RABGAP1L: variants seen among roughly 807,000 people sequenced by gnomAD.
RABGAP1L encodes the protein RAB GTPase activating protein 1 like.
A neutral mutation model predicts 137.7 loss-of-function variants in RABGAP1L; 63 were observed. The ratio of observed to expected loss-of-function variants is 0.46; its 90% CI spans 0.37 to 0.56. The LOEUF (loss-of-function observed/expected upper bound fraction) is 0.56. Ranked by LOEUF, RABGAP1L falls within the 20% of genes least tolerant of loss-of-function variation. The probability of loss-of-function intolerance (pLI) is 0.00; values close to 1 mark genes in which losing one functional copy is unlikely to be tolerated. For missense variants in RABGAP1L, 1,095 were observed against 1,244.0 expected (o/e 0.88, Z 1.80); for synonymous variants, 431 against 433.7 (o/e 0.99, Z 0.08).
chr1:174,718,837 CT>C (rs11337437), intron 17 of RABGAP1L, among the ~76,000 whole-genome samples: 82,600 of 106,390 alleles, frequency 0.78, 35,083 homozygotes, highest in South Asian at 0.95. Flanking sequence ...TTTTCTTTTC[CT>C]TTTTTTTTTT....
Position 174,442,768 on chromosome 1 carries a change from A to G in RABGAP1L, c.1710+48623A>G, listed in dbSNP as rs532380366. 5.0e-4 allele frequency among the ~76,000 whole-genome samples: 76 copies of G among 152,272 alleles called. 1 individual carries two copies. Among genetic ancestry groups the G allele is most frequent in the Non-Finnish European group, 8.2e-4 (56 of 67,968 alleles). ...TTCTCTTCCAGTTATTTTGTAATAT[A>G]CAATAAATTGTTAACTATAATCTCC... On this transcript the variant is annotated intron_variant, in intron 13 of 25. Coordinates refer to ENST00000681986, the MANE Select transcript of RABGAP1L (RefSeq NM_001366446.1).
chr1:174,351,361 T>C (rs559534549), intron 11 of RABGAP1L, among the ~76,000 whole-genome samples: 1 of 152,324 alleles, frequency 6.6e-6, no homozygotes, highest in Non-Finnish European at 1.5e-5. Context: ...ACAGGTCTGG[T>C]GTTGATAAAA....
chr1:174,912,251 C>T (rs1660169378), intron 19 of RABGAP1L, among the ~76,000 whole-genome samples: 1 of 152,166 alleles, frequency 6.6e-6, no homozygotes, highest in Non-Finnish European at 1.5e-5. Context: ...AAGCAATCCT[C>T]CTGCCTCAGC....
intron 20 of RABGAP1L, chr1:174,957,950 C>T (rs1029033446): frequency 1.9e-6 from 3 of 1,573,484 alleles, no homozygotes; most frequent in Middle Eastern, 3.4e-4. Flanking sequence ...TCATAAGAAG[C>T]TGAGAGAAAG....
intron 1 of RABGAP1L, among the ~76,000 whole-genome samples, chr1:174,170,164 G>A (rs1665235026): frequency 6.6e-6 from 1 of 152,188 alleles, no homozygotes; most frequent in African/African-American, 2.4e-5. Context: ...TAGTGCTGCT[G>A]TGAAATTCAG....
At chr1:174,558,605 T>C (rs921006204) in intron 13 of RABGAP1L, among the ~76,000 whole-genome samples, 2 of 152,182 alleles carry the variant, frequency 1.3e-5, no homozygotes, top group African/African-American at 4.8e-5. Flanking sequence ...AGCTTTCAAG[T>C]TACATTTGGA....
chr1:174,213,025 A>G (rs1384315412), intron 1 of RABGAP1L, among the ~76,000 whole-genome samples: 2 of 152,232 alleles, frequency 1.3e-5, no homozygotes, highest in African/African-American at 2.4e-5. Context: ...AATAACAAGT[A>G]ATGAGATTGA....
chr1:174,906,902 A>G (rs879797553), intron 19 of RABGAP1L, among the ~76,000 whole-genome samples: 1 of 66,978 alleles, frequency 1.5e-5, no homozygotes, highest in Non-Finnish European at 2.5e-5. Context: ...TGCTCAAAGA[A>G]AAAAAAAAAC....
At chr1:174,945,778 T>C (rs897166662) in intron 19 of RABGAP1L, 2 of 152,310 alleles carry the variant, frequency 1.3e-5, no homozygotes, top group Non-Finnish European at 2.9e-5. Flanking sequence ...AGTGAAGATG[T>C]AGGCCTCAAA....
chr1:174,993,410 C>T lies in RABGAP1L; in HGVS notation c.*3409C>T, dbSNP rs1472025321. 1 of 143,046 alleles carries T rather than the reference C, an allele frequency of 7.0e-6. No homozygotes were observed. The highest frequency in any genetic ancestry group is 1.5e-5 in the Non-Finnish European group (1 of 68,014). The allele number at this position is 143,046 out of a possible 1,614,324, so 8.9% of individuals were successfully genotyped here. Reference sequence around the variant, plus strand: ...GTATGTATCTTGTTTCATTTTTTTCCTATGATGTATTAATATTTATTTTTC... The same window carrying T: ...GTATGTATCTTGTTTCATTTTTTTCTTATGATGTATTAATATTTATTTTTC... On this transcript the variant is annotated 3_prime_UTR_variant, in exon 26 of 26. Transcript: ENST00000681986.
chr1:174,541,496 C>G (rs1665423848), intron 13 of RABGAP1L, among the ~76,000 whole-genome samples: 1 of 151,906 alleles, frequency 6.6e-6, no homozygotes, highest in African/African-American at 2.4e-5. Flanking sequence ...AGTTTTTAGG[C>G]CGGGTGCGGT....
At chr1:174,777,137 G>A (rs1289633688) in intron 18 of RABGAP1L, among the ~76,000 whole-genome samples, 1 of 152,048 alleles carries the variant, frequency 6.6e-6, no homozygotes, top group Non-Finnish European at 1.5e-5. Context: ...TTTTATTTTG[G>A]CAGTAAATCA....
chr1:174,975,354 G>T (rs1181372081), intron 21 of RABGAP1L, among the ~76,000 whole-genome samples: 1 of 152,188 alleles, frequency 6.6e-6, no homozygotes, highest in Non-Finnish European at 1.5e-5. Context: ...ATTGCCATGT[G>T]AACTTGAAGC....
chr1:174,862,097 A>T (rs1650346731), intron 19 of RABGAP1L, among the ~76,000 whole-genome samples: 1 of 152,140 alleles, frequency 6.6e-6, no homozygotes, highest in Admixed American at 6.6e-5. Context: ...AAGTCTTTAA[A>T]TATTTCACGT....
intron 13 of RABGAP1L, among the ~76,000 whole-genome samples, chr1:174,417,093 C>A (rs1650684289): frequency 6.6e-6 from 1 of 152,014 alleles, no homozygotes. Context: ...ATGGCAAAAA[C>A]CGCAATTACT....
chr1:174,502,514 A>G (rs1280353835), intron 13 of RABGAP1L, among the ~76,000 whole-genome samples: 24 of 150,142 alleles, frequency 1.6e-4, no homozygotes, highest in Admixed American at 1.6e-3. Context: ...CACAAAACAG[A>G]AAAAAAGGAA....
At chr1:174,864,367 G>A (rs1650840822) in intron 19 of RABGAP1L, among the ~76,000 whole-genome samples, 1 of 152,090 alleles carries the variant, frequency 6.6e-6, no homozygotes. Flanking sequence ...TCATTCTCAC[G>A]CTGCTAATAA....
chr1:174,782,524 T>C (rs1476351098), intron 18 of RABGAP1L, among the ~76,000 whole-genome samples: 1 of 152,246 alleles, frequency 6.6e-6, no homozygotes, highest in African/African-American at 2.4e-5. Flanking sequence ...AGGGACCTGC[T>C]TTACTTAAAT....
chr1:174,200,214 A>T (rs977681529), intron 1 of RABGAP1L, among the ~76,000 whole-genome samples: 2 of 152,244 alleles, frequency 1.3e-5, no homozygotes, highest in Non-Finnish European at 2.9e-5. Flanking sequence ...TATCATGCTT[A>T]TGAACTACAA....
Sources: allele counts gnomAD v4.1 joint callset (sites outside exome capture counted in the v4.1 genomes callset), GRCh38; gene constraint gnomAD v4.1.1; transcripts MANE v1.5; gene names NCBI Gene and HGNC (gene_info 2026-07-23, HGNC 2026-07-21).